Variants in SLC3A1 observed in about 807,000 individuals in gnomAD.
The protein encoded by SLC3A1 is amino acid transporter heavy chain SLC3A1.
SLC3A1 carries 78 observed loss-of-function variants against 60.3 expected under a neutral mutation model. The observed-to-expected ratio is 1.29, with a 90% CI of 1.08 to 1.56. SLC3A1 has a LOEUF of 1.56. SLC3A1 is among the 40% of genes most tolerant of loss of function. The pLI is 0.00. For synonymous variants in SLC3A1, 392 were observed against 307.9 expected (o/e 1.27, Z -2.86); for missense variants, 1,172 against 858.9 (o/e 1.36, Z -4.56).
chr2:44,318,091 CACTGTTTTT>C (rs1558473545), intron 9 of SLC3A1: 1 of 400,774 alleles, frequency 2.5e-6, no homozygotes, highest in Non-Finnish European at 4.8e-6. Context: ...AGGATCTCAA[CACTGTTTTT>C]TTTTTTTTTT....
In SLC3A1 at chr2:44,306,071, T is replaced by G. The variant is rs186837959; in HGVS notation, c.1332+1733T>G. 3.3e-3 allele frequency among the ~76,000 whole-genome samples: 500 copies of G among 152,158 alleles called. 4 individuals carry two copies. The highest frequency in any genetic ancestry group is 0.012 in the African/African-American group (480 of 41,538). On this transcript the variant is annotated intron_variant, in intron 7 of 9. Transcript: ENST00000260649. ...CACGGAGGTGCTCAGGCTCAGGGTT[T>G]GTTTGTTACTGGTGCTGTTGTTATT...
intron 4 of SLC3A1, among the ~76,000 whole-genome samples, chr2:44,288,425 C>A (rs182316840): frequency 1.6e-3 from 246 of 151,648 alleles, no homozygotes; most frequent in African/African-American, 5.6e-3. Flanking sequence ...CCCTGGGAAA[C>A]CACAAATCTA....
intron 1 of SLC3A1, among the ~76,000 whole-genome samples, chr2:44,276,731 T>A (rs1022694886): frequency 1.3e-5 from 2 of 152,090 alleles, no homozygotes; most frequent in East Asian, 3.9e-4. Context: ...AAAAATTATT[T>A]TTTAAAAGCT....
downstream of SLC3A1, chr2:44,321,559 G>T: frequency 4.0e-6 from 6 of 1,507,710 alleles, no homozygotes; most frequent in East Asian, 2.4e-5. Context: ...GCAATTTATG[G>T]CAAGAATACT....
At chr2:44,303,051 A>G (rs541764491) in intron 6 of SLC3A1, among the ~76,000 whole-genome samples, 1 of 151,750 alleles carries the variant, frequency 6.6e-6, no homozygotes, top group Admixed American at 6.6e-5. Flanking sequence ...ACACAAAAAA[A>G]TTAGCTGGGC....
chr2:44,298,286 T>C (rs1671907471), intron 4 of SLC3A1, among the ~76,000 whole-genome samples: 2 of 152,188 alleles, frequency 1.3e-5, no homozygotes, highest in South Asian at 4.1e-4. Context: ...TCCTGTTAAC[T>C]ACAAAGCTGA....
chr2:44,301,664 G>C (rs1001836582), intron 6 of SLC3A1, among the ~76,000 whole-genome samples: 1 of 149,956 alleles, frequency 6.7e-6, no homozygotes, highest in East Asian at 2.0e-4. Context: ...ACTTGAACCC[G>C]GGAAGCAGAG....
At position 44,278,126 on chromosome 2, in the gene SLC3A1, G is replaced by C. The variant is rs1193745959; in HGVS notation, c.430+2161G>C. ...AGATCTTGCAGCTACCCATATGGGG[G>C]AACTGGGGTACAGAGACAGAAATAA... On this transcript the variant is annotated intron_variant, in intron 1 of 9. Transcript: ENST00000260649. Among the ~76,000 whole-genome samples, 10 of 152,244 alleles carry C rather than the reference G, an allele frequency of 6.6e-5. No homozygotes were observed. The East Asian group carries it at 1.5e-3, about 24-fold the overall frequency.
intron 4 of SLC3A1, among the ~76,000 whole-genome samples, chr2:44,286,479 C>T (rs752211196): frequency 6.6e-6 from 1 of 152,070 alleles, no homozygotes; most frequent in Non-Finnish European, 1.5e-5. Flanking sequence ...TGCCCCGCCA[C>T]CTGTGACAGT....
Position 44,281,448 on chromosome 2 carries a change from A to G in SLC3A1, c.672A>G (p.Gln224=), listed in dbSNP as rs140331858. 2.2e-4 allele frequency: 352 copies of G among 1,613,828 alleles called. No homozygotes were observed. The African/African-American group carries it at 4.1e-3, about 19-fold the overall frequency. ...CGAGTGATAAACATATTTGGTTTCAATTGAGTCGGACACGGACAGGAAAAT... is the reference window on the plus strand; with the variant it reads ...CGAGTGATAAACATATTTGGTTTCAGTTGAGTCGGACACGGACAGGAAAAT... ...NHTSDKHIWF[Q]LSRTRTGKYT... is the part of the protein sequence containing the mutation. The change falls in exon 3 of 10, where the codon CAA becomes CAG. Residue 224 remains glutamine, a synonymous_variant. Coordinates refer to ENST00000260649, the MANE Select transcript of SLC3A1 (RefSeq NM_000341.4).
Position 44,320,724 on chromosome 2 carries a change from G to C in SLC3A1, c.*85G>C, listed in dbSNP as rs1672867900. 1 of 1,028,868 alleles carries C rather than the reference G, an allele frequency of 9.7e-7. No homozygotes were observed. Among genetic ancestry groups the C allele is most frequent in the South Asian group, 1.3e-5 (1 of 77,094 alleles). The allele number at this position is 1,028,868 out of a possible 1,614,324, so 63.7% of individuals were successfully genotyped here. Reference sequence around the variant, plus strand: ...AGCTTCATGTACAGCATGCTGCTTGGTGAACAATCATTAATTCTTCGATAT... The same window carrying C: ...AGCTTCATGTACAGCATGCTGCTTGCTGAACAATCATTAATTCTTCGATAT... On this transcript the variant is annotated 3_prime_UTR_variant, in exon 10 of 10. Coordinates refer to ENST00000260649, the MANE Select transcript of SLC3A1 (RefSeq NM_000341.4).
In SLC3A1 at chr2:44,275,804, T is replaced by C. The variant is rs1297425870; in HGVS notation, c.269T>C (p.Phe90Ser). Residue 90 changes from phenylalanine to serine, a missense_variant, in exon 1 of 10, where the codon TTC (phenylalanine) becomes TCC (serine). Coordinates refer to ENST00000260649, the MANE Select transcript of SLC3A1 (RefSeq NM_000341.4). Reference protein sequence around the residue: ...ARYRIPREILFWLTVASVLVL... With the variant: ...ARYRIPREILSWLTVASVLVL... ...TACCGCATACCTCGGGAGATCCTCT[T>C]CTGGCTCACAGTGGCTTCTGTGCTG... 2 of 1,614,268 alleles carry C rather than the reference T, an allele frequency of 1.2e-6. No individual in the cohort carries two copies. Among genetic ancestry groups the C allele is most frequent in the South Asian group, 1.1e-5 (1 of 91,084 alleles).
chr2:44,311,496 A>G (rs137896444), intron 7 of SLC3A1, among the ~76,000 whole-genome samples: 46 of 152,168 alleles, frequency 3.0e-4, no homozygotes, highest in African/African-American at 9.9e-4. Context: ...AAGTAGTATG[A>G]CAATTCTGGA....
At position 44,312,523 on chromosome 2, in the gene SLC3A1, A is replaced by G; in HGVS notation, c.1333-63A>G. 3 of 1,563,774 alleles carry G rather than the reference A, an allele frequency of 1.9e-6. No individual in the cohort carries two copies. The South Asian group carries it at 3.3e-5, about 17-fold the overall frequency. On this transcript the variant is annotated intron_variant, in intron 7 of 9. Transcript: ENST00000260649. ...TGCTACGTTGTGAACTTTCTGTGAA[A>G]TAGGGTAAATCTTTCAGAAAACTGT...
At chr2:44,319,999 C>A in intron 9 of SLC3A1, 200 bp from the exon 10 acceptor site, 1 of 576,590 alleles carries the variant, frequency 1.7e-6, no homozygotes, top group Non-Finnish European at 3.1e-6. Context: ...CCCAGACAAG[C>A]CGAAACCCCG....
In SLC3A1 at chr2:44,280,749, T is replaced by A; in HGVS notation, c.464T>A (p.Leu155Ter). ...IQDKLDYITA[L>*]NIKTVWITSF... ...GATAAACTGGACTACATCACAGCTTTAAATATAAAAACTGTTTGGATTACT... is the reference window on the plus strand; with the variant it reads ...GATAAACTGGACTACATCACAGCTTAAAATATAAAAACTGTTTGGATTACT... Residue 155 changes from leucine (L) to a stop codon, truncating the protein, a stop_gained, in exon 2 of 10, where the codon TTA becomes TAA. Transcript: ENST00000260649. LOFTEE classifies it high-confidence loss of function. The A allele has an allele frequency of 6.2e-7, 1 of 1,611,466 alleles. No individual in the cohort carries two copies. Among genetic ancestry groups the A allele is most frequent in the African/African-American group, 1.3e-5 (1 of 74,998 alleles).
chr2:44,280,275 G>A (rs1041542914), intron 1 of SLC3A1, among the ~76,000 whole-genome samples: 1 of 151,580 alleles, frequency 6.6e-6, no homozygotes, highest in Non-Finnish European at 1.5e-5. Flanking sequence ...GTCTTGCTCT[G>A]TCGCCCAGGC....
intron 4 of SLC3A1, among the ~76,000 whole-genome samples, chr2:44,290,199 C>T (rs909983390): frequency 6.8e-6 from 1 of 147,882 alleles, no homozygotes; most frequent in East Asian, 2.0e-4. Flanking sequence ...TCTTTCCCTA[C>T]TGAATTGTCT....
At chr2:44,286,223 T>C (rs898493973) in intron 4 of SLC3A1, 66 bp downstream of exon 4, 2 of 1,472,712 alleles carry the variant, frequency 1.4e-6, no homozygotes, top group Non-Finnish European at 1.9e-6. Flanking sequence ...TAAAACACTT[T>C]ATATTGCACA....
Sources: allele counts gnomAD v4.1 joint callset (sites outside exome capture counted in the v4.1 genomes callset), GRCh38; gene constraint gnomAD v4.1.1; transcripts MANE v1.5; gene names NCBI Gene and HGNC (gene_info 2026-07-23, HGNC 2026-07-21).